Variants in JAKMIP1 observed in about 807,000 individuals in gnomAD.
The protein encoded by JAKMIP1 is janus kinase and microtubule-interacting protein 1.
In JAKMIP1, 33 loss-of-function variants were observed where a neutral mutation model predicts 113.0. The observed-to-expected ratio is 0.29, with a 90% CI of 0.22 to 0.39. The LOEUF is 0.39. Ranked by LOEUF, JAKMIP1 falls within the 10% of genes least tolerant of loss-of-function variation. The pLI is 1.00. For synonymous variants in JAKMIP1, 480 were observed against 459.9 expected (o/e 1.04, Z -0.56); for missense variants, 813 against 1,080.5 (o/e 0.75, Z 3.47).
chr4:6,048,051 C>T (rs1445495203), intron 16 of JAKMIP1, among the ~76,000 whole-genome samples: 1 of 152,160 alleles, frequency 6.6e-6, no homozygotes, highest in Non-Finnish European at 1.5e-5. Flanking sequence ...AATGCAATTA[C>T]AATTCACAAG....
At chr4:6,175,566 C>A (rs1187001766) in intron 1 of JAKMIP1, among the ~76,000 whole-genome samples, 5 of 150,526 alleles carry the variant, frequency 3.3e-5, no homozygotes, top group Non-Finnish European at 7.3e-5. Context: ...CATCACTGAT[C>A]TTCTCTGCAC....
rs1186539552 is a variant in JAKMIP1 at position 6,176,599 on chromosome 4, G to C, written c.-148+23654C>G. On this transcript the variant is annotated intron_variant, in intron 1 of 20. Coordinates refer to ENST00000409021, the MANE Select transcript of JAKMIP1 (RefSeq NM_001099433.2). This position sits in a 1 kb window ranked among gnomAD's most constrained non-coding sequence, Gnocchi z 5.5. Reference sequence around the variant, plus strand: ...AATGGGGTCAGGGAATTAAGGGCTGGGAGATAACTCCATGTTTACAAATGG... The same window carrying C: ...AATGGGGTCAGGGAATTAAGGGCTGCGAGATAACTCCATGTTTACAAATGG... Among the ~76,000 whole-genome samples, 1 of 152,144 alleles carries C rather than the reference G, an allele frequency of 6.6e-6. No individual in the cohort carries two copies. The highest frequency in any genetic ancestry group is 6.5e-5 in the Admixed American group (1 of 15,278).
In JAKMIP1 at chr4:6,105,569, G is replaced by A. The variant is rs1404256376; in HGVS notation, c.528C>T (p.Asp176=). 3.7e-6 allele frequency: 6 copies of A among 1,601,688 alleles called. No homozygotes were observed. The highest frequency in any genetic ancestry group is 5.1e-6 in the Non-Finnish European group (6 of 1,174,298). ...EEALSNCMQA[D]KTKAADLRAA... Reference sequence around the variant, plus strand: ...CACGCAGGTCGGCTGCCTTGGTCTTGTCAGCCTGCATGCAGTTACTGAGCG... The same window carrying A: ...CACGCAGGTCGGCTGCCTTGGTCTTATCAGCCTGCATGCAGTTACTGAGCG... Residue 176 remains aspartate (D), a synonymous_variant, in exon 3 of 21, where the codon GAC becomes GAT. Coordinates refer to ENST00000409021, the MANE Select transcript of JAKMIP1 (RefSeq NM_001099433.2).
Position 6,059,038 on chromosome 4 carries a change from AAG to A in JAKMIP1, c.1644+1384_1644+1385del, listed in dbSNP as rs1335315946. ...TTAAAGATGAGGAAACGGAGGCACA[AAG>A]AGATTATGTTACTTGCCCAAGGTTA... is the stretch of plus-strand genomic sequence containing the variant. On this transcript the variant is annotated intron_variant, in intron 11 of 20. Transcript: ENST00000409021. This position sits in a 1 kb window ranked among gnomAD's most constrained non-coding sequence, Gnocchi z 4.8. Among the ~76,000 whole-genome samples the A allele has an allele frequency of 6.6e-6, 1 of 152,204 alleles. No individual in the cohort carries two copies. The highest frequency in any genetic ancestry group is 1.5e-5 in the Non-Finnish European group (1 of 68,040).
Position 6,112,859 on chromosome 4 carries a change from T to C in JAKMIP1, c.-9A>G, listed in dbSNP as rs1006290852. The C allele has an allele frequency of 6.2e-7, 1 of 1,613,098 alleles. No individual in the cohort carries two copies. The highest frequency in any genetic ancestry group is 8.5e-7 in the Non-Finnish European group (1 of 1,179,724). On this transcript the variant is annotated 5_prime_UTR_variant, in exon 2 of 21. Coordinates refer to ENST00000409021, the MANE Select transcript of JAKMIP1 (RefSeq NM_001099433.2). ...CGGCCTTTCTTCGACATGCTTCCCC[T>C]TGGGTCAGAGTGCTGAGATCCTGCG...
rs1010595237 is a variant in JAKMIP1 at position 6,097,681 on chromosome 4, T to C, written c.624+7792A>G. Among the ~76,000 whole-genome samples the C allele has an allele frequency of 2.0e-5, 3 of 152,180 alleles. No homozygotes were observed. The highest frequency in any genetic ancestry group is 4.4e-5 in the Non-Finnish European group (3 of 68,022). On this transcript the variant is annotated intron_variant, in intron 3 of 20. Coordinates refer to ENST00000409021, the MANE Select transcript of JAKMIP1 (RefSeq NM_001099433.2). The surrounding 1 kb of genome is among the most constrained non-coding windows in gnomAD (Gnocchi z 4.3). The stretch of plus-strand genomic sequence containing the variant: ...AAAACTCCATAAGGATGGGGGAAGC[T>C]TTACAGATCACTTCCCCATTTTGCA...
chr4:6,189,039 C>A (rs1484736307), intron 1 of JAKMIP1, among the ~76,000 whole-genome samples: 1 of 149,902 alleles, frequency 6.7e-6, no homozygotes, highest in East Asian at 1.9e-4. Context: ...TGAGCTCACT[C>A]ACCCAGCGCC....
chr4:6,117,384 T>G (rs1029966110), intron 1 of JAKMIP1, among the ~76,000 whole-genome samples: 1 of 151,972 alleles, frequency 6.6e-6, no homozygotes, highest in African/African-American at 2.4e-5. Context: ...AACCAACAAG[T>G]TTTTATTAGG....
Position 6,171,606 on chromosome 4 carries a change from T to C in JAKMIP1, c.-148+28647A>G, listed in dbSNP as rs576647383. On this transcript the variant is annotated intron_variant, in intron 1 of 20. Transcript: ENST00000409021. Reference sequence around the variant, plus strand: ...CCGTCTCGATCCCCCCCCAAGTATGTGTCTAGTAGGGAATGCCAAGAGCAT... The same window carrying C: ...CCGTCTCGATCCCCCCCCAAGTATGCGTCTAGTAGGGAATGCCAAGAGCAT... 6.6e-5 allele frequency among the ~76,000 whole-genome samples: 10 copies of C among 152,286 alleles called. No individual in the cohort carries two copies. The East Asian group carries it at 1.7e-3, about 26-fold the overall frequency.
rs114484695 is a variant in JAKMIP1 at position 6,029,956 on chromosome 4, G to C, written c.2380-175C>G. On this transcript the variant is annotated intron_variant, in intron 19 of 20. Transcript: ENST00000409021. ...TGTCACCACCGCCCAAAGCAAGACA[G>C]AGAGCATCCCAGCTCCCAGGAGGCC... 7.2e-3 allele frequency among the ~76,000 whole-genome samples: 1,103 copies of C among 152,282 alleles called. 13 individuals are homozygous for C. Among genetic ancestry groups the C allele is most frequent in the African/African-American group, 0.025 (1,055 of 41,548 alleles).
Position 6,135,399 on chromosome 4 carries a change from C to T in JAKMIP1, c.-147-22402G>A, listed in dbSNP as rs758030526. On this transcript the variant is annotated intron_variant, in intron 1 of 20. Coordinates refer to ENST00000409021, the MANE Select transcript of JAKMIP1 (RefSeq NM_001099433.2). This position sits in a 1 kb window ranked among gnomAD's most constrained non-coding sequence, Gnocchi z 4.9. ...GAGAGAGGCTTCGGAAGAAACCAAC[C>T]CTGGTGGCAGCTTGATCTCGGACTT... 3.2e-4 allele frequency among the ~76,000 whole-genome samples: 48 copies of T among 152,066 alleles called. No individual in the cohort carries two copies. Among genetic ancestry groups the T allele is most frequent in the Non-Finnish European group, 4.4e-4 (30 of 68,028 alleles).
chr4:6,027,557 G>A (rs1712028463), intron 20 of JAKMIP1, among the ~76,000 whole-genome samples: 1 of 152,176 alleles, frequency 6.6e-6, no homozygotes, highest in Non-Finnish European at 1.5e-5. Flanking sequence ...ATGCCTGTAA[G>A]GAAATGAAGG....
At chr4:6,130,745 G>A (rs1718374635) in intron 1 of JAKMIP1, among the ~76,000 whole-genome samples, 1 of 152,116 alleles carries the variant, frequency 6.6e-6, no homozygotes, top group Non-Finnish European at 1.5e-5. Context: ...AATGAAGAAT[G>A]CCTTTCATGG....
intron 13 of JAKMIP1, among the ~76,000 whole-genome samples, chr4:6,052,093 G>T (rs1715726598): frequency 6.6e-6 from 1 of 152,060 alleles, no homozygotes; most frequent in Non-Finnish European, 1.5e-5. Context: ...GAGACTGAAG[G>T]AAAGAGGGAG....
Position 6,065,868 on chromosome 4 carries a change from G to A in JAKMIP1, c.1303-860C>T, listed in dbSNP as rs1053928934. ...ATGGGCCAGACACGGGGCAGGCCTG[G>A]GGAATACAATAGGATCATAACCAGG... On this transcript the variant is annotated intron_variant, in intron 8 of 20. Transcript: ENST00000409021. This position sits in a 1 kb window ranked among gnomAD's most constrained non-coding sequence, Gnocchi z 5.1. 2.0e-5 allele frequency among the ~76,000 whole-genome samples: 3 copies of A among 152,164 alleles called. No homozygotes were observed. The East Asian group carries it at 5.8e-4, about 29-fold the overall frequency.
chr4:6,062,883 A>G (rs1717510839), intron 9 of JAKMIP1, among the ~76,000 whole-genome samples: 1 of 152,258 alleles, frequency 6.6e-6, no homozygotes, highest in African/African-American at 2.4e-5. Flanking sequence ...ATGGTGGCTC[A>G]CGCCTGTAAT....
Position 6,166,149 on chromosome 4 carries a change from G to A in JAKMIP1, c.-148+34104C>T, listed in dbSNP as rs549987560. ...TCTATCACATCTTCTGCCACATAAG[G>A]TATATTCACAGGTTCCAAGAAGCAT... On this transcript the variant is annotated intron_variant, in intron 1 of 20. Transcript: ENST00000409021. 7.2e-5 allele frequency among the ~76,000 whole-genome samples: 11 copies of A among 152,290 alleles called. No homozygotes were observed. In the South Asian group the frequency reaches 2.3e-3, roughly 32 times the overall value.
rs377511746 is a variant in JAKMIP1, at chr4:6,167,322, A to T, written c.-148+32931T>A. Reference sequence around the variant, plus strand: ...TCATGTGGCTCCTCCTCCCCCTGACAGTGGCCCTTGTCTCCCTCCAGCCTC... The same window carrying T: ...TCATGTGGCTCCTCCTCCCCCTGACTGTGGCCCTTGTCTCCCTCCAGCCTC... On this transcript the variant is annotated intron_variant, in intron 1 of 20. Transcript: ENST00000409021. This position sits in a 1 kb window ranked among gnomAD's most constrained non-coding sequence, Gnocchi z 5.3. Among the ~76,000 whole-genome samples the T allele has an allele frequency of 3.3e-5, 5 of 151,906 alleles. No individual in the cohort carries two copies. Among genetic ancestry groups the T allele is most frequent in the African/African-American group, 9.6e-5 (4 of 41,452 alleles).
In JAKMIP1 at chr4:6,168,848, C is replaced by T. The variant is rs565468037; in HGVS notation, c.-148+31405G>A. The stretch of plus-strand genomic sequence containing the variant: ...CTGGGGAGGCTGAGGTTGCAGTGAG[C>T]TGTAATCACACCACTGCACTCCAGC... On this transcript the variant is annotated intron_variant, in intron 1 of 20. Transcript: ENST00000409021. This position sits in a 1 kb window ranked among gnomAD's most constrained non-coding sequence, Gnocchi z 4.6. Among the ~76,000 whole-genome samples, 2 of 151,966 alleles carry T rather than the reference C, an allele frequency of 1.3e-5. No homozygotes were observed. The highest frequency in any genetic ancestry group is 2.1e-4 in the South Asian group (1 of 4,814).
Sources: allele counts gnomAD v4.1 joint callset (sites outside exome capture counted in the v4.1 genomes callset), GRCh38; gene constraint gnomAD v4.1.1; non-coding constraint Gnocchi (gnomAD v3.1); transcripts MANE v1.5; gene names NCBI Gene and HGNC (gene_info 2026-07-23, HGNC 2026-07-21).